The following PDE7A variants were observed in gnomAD, a reference collection of about 807,000 sequenced individuals.
The protein encoded by PDE7A is high affinity 3',5'-cyclic-AMP phosphodiesterase 7A.
A neutral mutation model predicts 64.3 loss-of-function variants in PDE7A; 39 were observed. The observed-to-expected ratio is 0.61, with a 90% CI of 0.47 to 0.79. The LOEUF is 0.79. Ranked by LOEUF, PDE7A falls within the 30% of genes least tolerant of loss-of-function variation. PDE7A has a pLI of 0.00. For synonymous variants in PDE7A, 203 were observed against 206.8 expected (o/e 0.98, Z 0.16); for missense variants, 470 against 582.8 (o/e 0.81, Z 1.99).
intron 1 of PDE7A, among the ~76,000 whole-genome samples, chr8:65,813,288 T>C (rs2128930428): frequency 1.3e-5 from 2 of 152,252 alleles, no homozygotes; most frequent in Admixed American, 1.3e-4. Context: ...GCACAGAATA[T>C]TTACTGCAGC....
intron 3 of PDE7A, among the ~76,000 whole-genome samples, chr8:65,755,874 T>A (rs1247816125): frequency 1.3e-5 from 2 of 152,214 alleles, no homozygotes; most frequent in Admixed American, 1.3e-4. Context: ...CTTCTTGCCC[T>A]AGCCTCCTGA....
At chr8:65,807,821 A>G (rs1000214232) in intron 1 of PDE7A, among the ~76,000 whole-genome samples, 4 of 152,218 alleles carry the variant, frequency 2.6e-5, no homozygotes, top group African/African-American at 9.6e-5. Flanking sequence ...ATGTTGTATT[A>G]CATCAGTAGC....
chr8:65,780,685 A>G (rs994813063), intron 2 of PDE7A, among the ~76,000 whole-genome samples: 4 of 152,370 alleles, frequency 2.6e-5, no homozygotes, highest in African/African-American at 9.6e-5. Flanking sequence ...CAAAGCTAGT[A>G]CAAAGGGTAA....
rs1806233600 is a variant in PDE7A at position 65,718,440 on chromosome 8, T to TCCA, written c.*847_*849dup. The TCCA allele has an allele frequency of 6.6e-6, 1 of 152,200 alleles. No individual in the cohort carries two copies. 9.4% of individuals were successfully genotyped at this position (152,200 alleles called of 1,614,324 possible). ...GAGCTGATTATGGTGTTTTAAACAT[T>TCCA]CCACCTTTTTCTCGCATGTGCAGGT... On this transcript the variant is annotated 3_prime_UTR_variant, in exon 13 of 13. Coordinates refer to ENST00000401827, the MANE Select transcript of PDE7A (RefSeq NM_001242318.3).
intron 2 of PDE7A, among the ~76,000 whole-genome samples, chr8:65,781,142 G>C (rs1216976236): frequency 6.6e-6 from 1 of 152,176 alleles, no homozygotes; most frequent in Non-Finnish European, 1.5e-5. Flanking sequence ...AGAGGAGCAG[G>C]GGAGGGTGAC....
chr8:65,750,975 C>T (rs1021637835), intron 3 of PDE7A, among the ~76,000 whole-genome samples: 1 of 152,102 alleles, frequency 6.6e-6, no homozygotes, highest in Non-Finnish European at 1.5e-5. Context: ...CATAAAGAAA[C>T]CTACATAACA....
Position 65,715,351 on chromosome 8 carries a change from CAAAGAGAGACCCTGTCTCTATAAA to C in PDE7A, c.*3915_*3938del, listed in dbSNP as rs1352506153. On this transcript the variant is annotated 3_prime_UTR_variant, in exon 13 of 13. Coordinates refer to ENST00000401827, the MANE Select transcript of PDE7A (RefSeq NM_001242318.3). Reference sequence around the variant, plus strand: ...AAGAGTTCAAGACCAGCCAAGCCAACAAAGAGAGACCCTGTCTCTATAAAAAAGTTTTTTTTTTTTTTTTGAGAC... The same window carrying C: ...AAGAGTTCAAGACCAGCCAAGCCAACAAAGTTTTTTTTTTTTTTTTGAGAC... Among the ~76,000 whole-genome samples, 1 of 149,888 alleles carries C rather than the reference CAAAGAGAGACCCTGTCTCTATAAA, an allele frequency of 6.7e-6. No homozygotes were observed. The highest frequency in any genetic ancestry group is 1.5e-5 in the Non-Finnish European group (1 of 67,538).
At chr8:65,727,405 C>T in intron 7 of PDE7A, 104 bp from the exon 8 acceptor site, 1 of 1,499,904 alleles carries the variant, frequency 6.7e-7, no homozygotes, top group African/African-American at 1.4e-5. Context: ...GTGGTAATCT[C>T]CTCCCCCTTC....
chr8:65,814,220 A>T (rs1810325721), intron 1 of PDE7A, among the ~76,000 whole-genome samples: 1 of 152,222 alleles, frequency 6.6e-6, no homozygotes, highest in Admixed American at 6.5e-5. Context: ...TTTGCTTAAA[A>T]AGGACTTTCG....
intron 12 of PDE7A, chr8:65,723,326 T>C: frequency 9.2e-6 from 3 of 325,894 alleles, no homozygotes; most frequent in Non-Finnish European, 1.6e-5. Context: ...AAGTTATTGC[T>C]GCTGCCTGTT....
At chr8:65,731,090 C>G (rs1198947440) in intron 7 of PDE7A, among the ~76,000 whole-genome samples, 1 of 152,176 alleles carries the variant, frequency 6.6e-6, no homozygotes, top group African/African-American at 2.4e-5. Context: ...AGGGAATAGA[C>G]AGACAAAAAT....
At chr8:65,742,393 A>T (rs1807481135) in intron 5 of PDE7A, among the ~76,000 whole-genome samples, 1 of 152,176 alleles carries the variant, frequency 6.6e-6, no homozygotes, top group Non-Finnish European at 1.5e-5. Context: ...ATCCTACAAA[A>T]GGAACTCCAA....
At chr8:65,803,530 T>A (rs1285558435) in intron 1 of PDE7A, among the ~76,000 whole-genome samples, 1 of 152,188 alleles carries the variant, frequency 6.6e-6, no homozygotes, top group African/African-American at 2.4e-5. Flanking sequence ...ACAGTCTAAA[T>A]CACAAATTTA....
At chr8:65,753,421 G>C (rs1808062244) in intron 3 of PDE7A, among the ~76,000 whole-genome samples, 1 of 152,174 alleles carries the variant, frequency 6.6e-6, no homozygotes, top group Non-Finnish European at 1.5e-5. Flanking sequence ...ACTGGGCCCA[G>C]AGAGACTGCA....
intron 1 of PDE7A, among the ~76,000 whole-genome samples, chr8:65,786,589 T>TA (rs1291626835): frequency 6.6e-6 from 1 of 152,162 alleles, no homozygotes; most frequent in African/African-American, 2.4e-5. Context: ...GCTGCAAATG[T>TA]AAAAAAGATT....
At chr8:65,813,660 ATTTTT>A (rs776667355) in intron 1 of PDE7A, among the ~76,000 whole-genome samples, 1 of 152,208 alleles carries the variant, frequency 6.6e-6, no homozygotes, top group Non-Finnish European at 1.5e-5. Flanking sequence ...CATTGACTTT[ATTTTT>A]TAATGTAATC....
At chr8:65,723,689 T>C in intron 11 of PDE7A, 68 bp from the exon 12 acceptor site, 2 of 1,118,730 alleles carry the variant, frequency 1.8e-6, no homozygotes, top group South Asian at 3.9e-5. Context: ...AATTAAAGGC[T>C]TGAACATACC....
At chr8:65,834,530 C>T (rs1810907066) in intron 1 of PDE7A, among the ~76,000 whole-genome samples, 1 of 152,174 alleles carries the variant, frequency 6.6e-6, no homozygotes, top group Admixed American at 6.5e-5. Context: ...AAAACTACTG[C>T]ATCTTTATTA....
At chr8:65,817,312 A>C (rs917300579) in intron 1 of PDE7A, among the ~76,000 whole-genome samples, 2 of 152,216 alleles carry the variant, frequency 1.3e-5, no homozygotes, top group Non-Finnish European at 2.9e-5. Flanking sequence ...ATACATAAAC[A>C]CACATCTACA....
Sources: gnomAD v4.1 joint callset for allele counts (sites outside exome capture counted in the v4.1 genomes callset) on GRCh38, gnomAD v4.1.1 for gene constraint, MANE v1.5 for transcripts, NCBI Gene and HGNC (gene_info 2026-07-23, HGNC 2026-07-21) for gene names.